Variants in MVP observed in about 807,000 individuals in gnomAD.
MVP encodes lung resistance-related protein.
In MVP, 62 loss-of-function variants were observed where a neutral mutation model predicts 83.5. The ratio of observed to expected loss-of-function variants is 0.74; its 90% CI spans 0.61 to 0.92. The LOEUF (loss-of-function observed/expected upper bound fraction) is 0.92, where lower values mean the gene tolerates loss of function less well. Ranked by LOEUF, MVP falls within the 40% of genes least tolerant of loss-of-function variation. The pLI is 0.00. For missense variants in MVP, 1,000 were observed against 1,203.4 expected, an observed-to-expected ratio of 0.83 and a Z score of 2.50; for synonymous variants, 505 against 504.1, an observed-to-expected ratio of 1.00 and a Z score of -0.02.
chr16:29,828,204 C>T lies in MVP; in HGVS notation c.-35-2311C>T, dbSNP rs537441765. Among the ~76,000 whole-genome samples, 26 of 151,574 alleles carry T rather than the reference C, an allele frequency of 1.7e-4. 1 individual carries two copies. Among genetic ancestry groups the T allele is most frequent in the African/African-American group, 5.6e-4 (23 of 41,362 alleles). On this transcript the variant is annotated intron_variant, in intron 1 of 14. Coordinates refer to ENST00000357402, the MANE Select transcript of MVP (RefSeq NM_005115.5). ...TCAAACTCCTGACCTTGTGATCTGC[C>T]GACCTCAGCCTCCCAAAGTGCTGAG...
intron 13 of MVP, among the ~76,000 whole-genome samples, chr16:29,846,898 C>T (rs1328019200): frequency 1.3e-5 from 2 of 151,934 alleles, no homozygotes; most frequent in Non-Finnish European, 2.9e-5. Flanking sequence ...TAAAAAGAGG[C>T]CTAGTGTGGT....
rs2067480685 is a variant in MVP at position 29,835,690 on chromosome 16, C to T, written c.578-14C>T. On this transcript the variant is annotated splice_polypyrimidine_tract_variant and intron_variant, in intron 5 of 14. Coordinates refer to ENST00000357402, the MANE Select transcript of MVP (RefSeq NM_005115.5). Reference sequence around the variant, plus strand: ...TGGGGGGCCCTTGTCCCTTACCCTCCACTCTTGGCCCAGGGGAAGAATGGC... The same window carrying T: ...TGGGGGGCCCTTGTCCCTTACCCTCTACTCTTGGCCCAGGGGAAGAATGGC... 6.2e-7 allele frequency: 1 copy of T among 1,612,214 alleles called. No homozygotes were observed. Among genetic ancestry groups the T allele is most frequent in the Non-Finnish European group, 8.5e-7 (1 of 1,178,720 alleles).
At chr16:29,836,278 A>G (rs914014142) in intron 6 of MVP, among the ~76,000 whole-genome samples, 3 of 151,778 alleles carry the variant, frequency 2.0e-5, no homozygotes, top group African/African-American at 7.3e-5. Context: ...AAAAAAAAAA[A>G]AAAAAAACAA....
intron 5 of MVP, chr16:29,834,448 C>T (rs371762074): frequency 1.1e-5 from 3 of 279,310 alleles, no homozygotes; most frequent in African/African-American, 4.5e-5. Context: ...GTGGGTGAAT[C>T]GTCTGAGCCC....
At chr16:29,847,509 C>A in intron 14 of MVP, 124 bp downstream of exon 14, 1 of 986,830 alleles carries the variant, frequency 1.0e-6, no homozygotes. Context: ...ACCTGACCCA[C>A]GATGCAGGGA....
rs2067599169 is a variant in MVP at position 29,847,870 on chromosome 16, G to T, written c.2563G>T (p.Gly855Cys). 1 of 1,614,076 alleles carries T rather than the reference G, an allele frequency of 6.2e-7. No homozygotes were observed. Among genetic ancestry groups the T allele is most frequent in the African/African-American group, 1.3e-5 (1 of 74,932 alleles). ...TGGGCTGCTGGGGATGGGGCCCGAG[G>T]GTCAGCCCCTGGGCAGAAGGGTGGC... ...AFGLLGMGPEGQPLGRRVASG... is the reference protein window; with the variant it reads ...AFGLLGMGPECQPLGRRVASG... Residue 855 changes from glycine (G) to cysteine (C), a missense_variant, in exon 15 of 15, where the codon GGT becomes TGT. Transcript: ENST00000357402.
chr16:29,841,661 G>A lies in MVP; in HGVS notation c.1257G>A (p.Leu419=), dbSNP rs140826528. Residue 419 remains leucine (L), a synonymous_variant, in exon 9 of 15, where the codon CTG becomes CTA. Coordinates refer to ENST00000357402, the MANE Select transcript of MVP (RefSeq NM_005115.5). The surrounding 1 kb of genome is among the most constrained non-coding windows in gnomAD (Gnocchi z 4.7). ...TQDEVLWEKE[L]PPGVEELLNK... Reference sequence around the variant, plus strand: ...ACGAAGTCCTGTGGGAGAAAGAGCTGCCTCCCGGGGTGGAGGAGCTGCTGA... The same window carrying A: ...ACGAAGTCCTGTGGGAGAAAGAGCTACCTCCCGGGGTGGAGGAGCTGCTGA... 4.8e-5 allele frequency: 78 copies of A among 1,611,442 alleles called. No homozygotes were observed. In the African/African-American group the frequency reaches 1.0e-3, roughly 22 times the overall value.
At chr16:29,835,829 A>AC (rs2067482449) in intron 6 of MVP, 31 bp downstream of exon 6, 1 of 1,594,272 alleles carries the variant, frequency 6.3e-7, no homozygotes, top group East Asian at 2.2e-5. Context: ...GGTTTAAGGG[A>AC]CCTGGGGCTA....
rs186759570 is a variant in MVP, at chr16:29,833,632, A to G, written c.322-101A>G. On this transcript the variant is annotated intron_variant, in intron 3 of 14. Coordinates refer to ENST00000357402, the MANE Select transcript of MVP (RefSeq NM_005115.5). ...GCCTCCACCCCAGTCTTATTTCAGG[A>G]CATACAGAGATGGATGTTGTGGACC... 13 of 1,517,258 alleles carry G rather than the reference A, an allele frequency of 8.6e-6. No homozygotes were observed. In the East Asian group the frequency reaches 2.8e-4, roughly 32 times the overall value. 94.0% of individuals were successfully genotyped at this position (1,517,258 alleles called of 1,614,324 possible).
At chr16:29,836,292 C>T (rs1160981967) in intron 6 of MVP, among the ~76,000 whole-genome samples, 5 of 150,606 alleles carry the variant, frequency 3.3e-5, no homozygotes, top group Admixed American at 1.3e-4. Flanking sequence ...AAAACAAAGC[C>T]GGTCGGGTGC....
Position 29,841,513 on chromosome 16 carries a change from A to T in MVP, c.1192-83A>T. ...TAACCTCGTGGCGCGCCTTCCCTGGATGGGCTCTGCTTTGGGACAGCTGGG... is the reference window on the plus strand; with the variant it reads ...TAACCTCGTGGCGCGCCTTCCCTGGTTGGGCTCTGCTTTGGGACAGCTGGG... On this transcript the variant is annotated intron_variant, in intron 8 of 14. Coordinates refer to ENST00000357402, the MANE Select transcript of MVP (RefSeq NM_005115.5). The surrounding 1 kb of genome is among the most constrained non-coding windows in gnomAD (Gnocchi z 4.7). 6.7e-7 allele frequency: 1 copy of T among 1,492,072 alleles called. No homozygotes were observed. Among genetic ancestry groups the T allele is most frequent in the Admixed American group, 2.3e-5 (1 of 42,616 alleles). The allele number at this position is 1,492,072 out of a possible 1,614,324, so 92.4% of individuals were successfully genotyped here. A position where few individuals can be genotyped will look rare whatever the true frequency, so the allele number is the denominator to read the frequency against.
Position 29,831,046 on chromosome 16 carries a change from C to G in MVP, c.294C>G (p.Pro98=), listed in dbSNP as rs1431096481. 1 of 1,613,172 alleles carries G rather than the reference C, an allele frequency of 6.2e-7. No individual in the cohort carries two copies. Among genetic ancestry groups the G allele is most frequent in the African/African-American group, 1.3e-5 (1 of 74,898 alleles). The change falls in exon 3 of 15, where the codon CCC becomes CCG. Residue 98 remains proline, a synonymous_variant. Transcript: ENST00000357402. ...TCCGGCTGGCCCAGGACCCCTTCCC[C>G]CTGTACCCAGGGGAGGTGCTGGAAA... ...LEIRLAQDPF[P]LYPGEVLEKD...
intron 14 of MVP, 47 bp downstream of exon 14, chr16:29,847,432 C>T: frequency 2.0e-6 from 3 of 1,495,756 alleles, no homozygotes; most frequent in South Asian, 1.4e-5. Context: ...ACCTTGAAAC[C>T]AGGAAGGCAG....
At position 29,844,371 on chromosome 16, in the gene MVP, G is replaced by A. The variant is rs1266355029; in HGVS notation, c.1635-122G>A. 4.6e-6 allele frequency: 6 copies of A among 1,307,108 alleles called. No individual in the cohort carries two copies. The East Asian group carries it at 1.2e-4, about 26-fold the overall frequency. 81.0% of individuals were successfully genotyped at this position (1,307,108 alleles called of 1,614,324 possible). On this transcript the variant is annotated intron_variant, in intron 10 of 14. Transcript: ENST00000357402. ...CCCAGCACTTTGGGAGGCTGAGGTT[G>A]GGGGGTTGCCTGAGCCCAGGAGTTC... is the stretch of plus-strand genomic sequence containing the variant.
At chr16:29,833,608 C>A in intron 3 of MVP, 125 bp from the exon 4 acceptor site, 1 of 1,335,168 alleles carries the variant, frequency 7.5e-7, no homozygotes, top group Non-Finnish European at 1.0e-6. Context: ...CTGTGCCCGG[C>A]CTCCACCCCA....
intron 5 of MVP, chr16:29,835,457 G>A (rs992402585): frequency 5.7e-5 from 16 of 281,972 alleles, no homozygotes; most frequent in Non-Finnish European, 7.9e-5. Flanking sequence ...TCACAGCCTG[G>A]GCAACAGAGG....
intron 5 of MVP, chr16:29,834,613 A>G: frequency 6.1e-6 from 1 of 163,132 alleles, no homozygotes; most frequent in Non-Finnish European, 1.3e-5. Flanking sequence ...GGCTGCAGTG[A>G]GCTGTGACTG....
chr16:29,839,137 G>A (rs765741646), intron 7 of MVP, among the ~76,000 whole-genome samples: 13 of 151,842 alleles, frequency 8.6e-5, no homozygotes, highest in South Asian at 2.1e-4. Context: ...GCAGTGAGCC[G>A]AGATCCCACC....
At chr16:29,842,206 G>T in intron 10 of MVP, 94 bp downstream of exon 10, 1 of 1,301,392 alleles carries the variant, frequency 7.7e-7, no homozygotes, top group Admixed American at 2.0e-5. Flanking sequence ...AGGAGGTCCA[G>T]GCTGCAGTGA....
Sources: gnomAD v4.1 joint callset for allele counts (sites outside exome capture counted in the v4.1 genomes callset) on GRCh38, gnomAD v4.1.1 for gene constraint, Gnocchi (gnomAD v3.1) non-coding constraint, MANE v1.5 for transcripts, NCBI Gene and HGNC (gene_info 2026-07-23, HGNC 2026-07-21) for gene names.